YY1: variants seen among roughly 807,000 people sequenced by gnomAD.
The protein encoded by YY1 is transcriptional repressor protein YY1.
YY1 carries 2 observed loss-of-function variants against 35.6 expected under a neutral mutation model. The observed-to-expected ratio is 0.06, with a 90% confidence interval of 0.02 to 0.18. The LOEUF (loss-of-function observed/expected upper bound fraction) is 0.18. Among genes scored for constraint, YY1 ranks in the 10% least tolerant of loss-of-function variants. YY1 has a pLI of 1.00. For missense variants in YY1, 322 were observed against 573.4 expected (o/e 0.56, Z 4.48); for synonymous variants, 268 against 238.9 (o/e 1.12, Z -1.12).
Position 100,280,430 on chromosome 14 carries a change from T to C in YY1, c.*2830T>C, listed in dbSNP as rs1891399930. ...TGTTTTCTATTTTTGAATTTCTTAT[T>C]ATTTCCCCCTTTTTGGTAGTGGAGT... On this transcript the variant is annotated 3_prime_UTR_variant, in exon 5 of 5. Coordinates refer to ENST00000262238, the MANE Select transcript of YY1 (RefSeq NM_003403.5). 6.6e-6 allele frequency: 1 copy of C among 152,192 alleles called. No homozygotes were observed. The highest frequency in any genetic ancestry group is 1.5e-5 in the Non-Finnish European group (1 of 68,034). 9.4% of individuals were successfully genotyped at this position (152,192 alleles called of 1,614,324 possible).
At chr14:100,245,092 A>AC (rs1389960111) in intron 1 of YY1, among the ~76,000 whole-genome samples, 1 of 151,860 alleles carries the variant, frequency 6.6e-6, no homozygotes, top group Non-Finnish European at 1.5e-5. Flanking sequence ...GCCCGCTGCC[A>AC]CACCCGGCTA....
rs1665431644 is a variant in YY1 at position 100,239,186 on chromosome 14, C to G, written c.-59C>G. ...CCCCACGGCCGGCCGCCTCCTCGCC[C>G]GCCCGCCCGCAGCCGAGGAGCCGAG... On this transcript the variant is annotated 5_prime_UTR_variant, in exon 1 of 5. Transcript: ENST00000262238. 26 of 1,354,346 alleles carry G rather than the reference C, an allele frequency of 1.9e-5. No homozygotes were observed. Among genetic ancestry groups the G allele is most frequent in the Non-Finnish European group, 2.4e-5 (25 of 1,061,758 alleles). 83.9% of individuals were successfully genotyped at this position (1,354,346 alleles called of 1,614,324 possible).
rs758852391 is a variant in YY1 at position 100,277,414 on chromosome 14, A to T, written c.1063-4A>T. 6.2e-7 allele frequency: 1 copy of T among 1,614,182 alleles called. No individual in the cohort carries two copies. Among genetic ancestry groups the T allele is most frequent in the Non-Finnish European group, 8.5e-7 (1 of 1,180,026 alleles). On this transcript the variant is annotated splice_region_variant and splice_polypyrimidine_tract_variant and intron_variant, in intron 4 of 4. Transcript: ENST00000262238. This position sits in a 1 kb window ranked among gnomAD's most constrained non-coding sequence, Gnocchi z 5.6. ...TGGGTTGATCTCTGGTCTTTCCTTG[A>T]CAGTGCACGTTCGAAGGCTGTGGGA... is the stretch of plus-strand genomic sequence containing the variant.
chr14:100,239,970 A>T, intron 1 of YY1, 47 bp downstream of exon 1: 1 of 1,498,576 alleles, frequency 6.7e-7, no homozygotes, highest in East Asian at 2.8e-5. Flanking sequence ...TTTGTTTTGA[A>T]GGGAAGCCAT....
chr14:100,272,927 G>C (rs1236294614), intron 2 of YY1, among the ~76,000 whole-genome samples: 1 of 149,912 alleles, frequency 6.7e-6, no homozygotes, highest in Non-Finnish European at 1.5e-5. Flanking sequence ...TTCACTCAGA[G>C]TAGTGGCCCC....
intron 1 of YY1, among the ~76,000 whole-genome samples, chr14:100,246,857 C>T (rs911104219): frequency 6.6e-6 from 1 of 152,186 alleles, no homozygotes; most frequent in Non-Finnish European, 1.5e-5. Flanking sequence ...AAAGTAATCA[C>T]TTCACCCCCA....
rs1891340378 is a variant in YY1 at position 100,277,483 on chromosome 14, C to T, written c.1128C>T (p.Ile376=). 1 of 1,614,206 alleles carries T rather than the reference C, an allele frequency of 6.2e-7. No individual in the cohort carries two copies. Among genetic ancestry groups the T allele is most frequent in the South Asian group, 1.1e-5 (1 of 91,084 alleles). The change falls in exon 5 of 5, where the codon ATC becomes ATT. Residue 376 remains isoleucine, a synonymous_variant. Transcript: ENST00000262238. This position sits in a 1 kb window ranked among gnomAD's most constrained non-coding sequence, Gnocchi z 5.6. The part of the protein sequence containing the change: ...LDFNLRTHVR[I]HTGDRPYVCP... Reference sequence around the variant, plus strand: ...TCAATTTGCGCACACATGTGCGAATCCATACCGGAGACAGGCCCTATGTGT... The same window carrying T: ...TCAATTTGCGCACACATGTGCGAATTCATACCGGAGACAGGCCCTATGTGT...
chr14:100,239,793 G>A lies in YY1; in HGVS notation c.549G>A (p.Lys183=). ...GCGGCGGCAAGAAGAGCGGCAAGAA[G>A]AGTTACCTCAGCGGCGGGGCCGGCG... is the stretch of plus-strand genomic sequence containing the variant. ...KKGGGKKSGK[K]SYLSGGAGAA... Residue 183 remains lysine, a synonymous_variant, in exon 1 of 5, where the codon AAG becomes AAA. Transcript: ENST00000262238. 6.5e-7 allele frequency: 1 copy of A among 1,542,218 alleles called. No homozygotes were observed. The highest frequency in any genetic ancestry group is 8.7e-7 in the Non-Finnish European group (1 of 1,147,230).
chr14:100,277,714 C>T lies in YY1; in HGVS notation c.*114C>T. On this transcript the variant is annotated 3_prime_UTR_variant, in exon 5 of 5. Transcript: ENST00000262238. The surrounding 1 kb of genome is among the most constrained non-coding windows in gnomAD (Gnocchi z 5.6). ...TCTAGGAAGAATTTTAAAAATGAATCCTACACACCTAAGGGACATGTTTTG... is the reference window on the plus strand; with the variant it reads ...TCTAGGAAGAATTTTAAAAATGAATTCTACACACCTAAGGGACATGTTTTG... 1 of 1,153,684 alleles carries T rather than the reference C, an allele frequency of 8.7e-7. No individual in the cohort carries two copies. Among genetic ancestry groups the T allele is most frequent in the Non-Finnish European group, 1.3e-6 (1 of 794,296 alleles). The allele number at this position is 1,153,684 out of a possible 1,614,324, so 71.5% of individuals were successfully genotyped here.
chr14:100,252,503 T>C (rs1474097032), intron 1 of YY1, among the ~76,000 whole-genome samples: 1 of 152,212 alleles, frequency 6.6e-6, no homozygotes, highest in African/African-American at 2.4e-5. Flanking sequence ...TTAGTCTTGG[T>C]CTAGTTGTTT....
intron 2 of YY1, among the ~76,000 whole-genome samples, chr14:100,271,575 T>C (rs1891239210): frequency 6.6e-6 from 1 of 152,234 alleles, no homozygotes; most frequent in African/African-American, 2.4e-5. Flanking sequence ...ATATGCATAA[T>C]GAGTTATCTT....
chr14:100,271,714 G>T (rs1301952093), intron 2 of YY1, among the ~76,000 whole-genome samples: 1 of 151,890 alleles, frequency 6.6e-6, no homozygotes, highest in Admixed American at 6.6e-5. Flanking sequence ...TGTCACCGAA[G>T]TTGGATCGCA....
intron 1 of YY1, among the ~76,000 whole-genome samples, chr14:100,240,868 C>T (rs1443641192): frequency 6.6e-6 from 1 of 152,120 alleles, no homozygotes; most frequent in African/African-American, 2.4e-5. Flanking sequence ...TGGACATTTG[C>T]CAGTAAATAA....
intron 2 of YY1, among the ~76,000 whole-genome samples, chr14:100,264,834 G>T (rs1010848833): frequency 3.9e-5 from 6 of 152,192 alleles, no homozygotes; most frequent in African/African-American, 1.2e-4. Context: ...GAGACCAGCT[G>T]GGCTCTGTGG....
At chr14:100,262,555 G>A in intron 2 of YY1, 89 bp downstream of exon 2, 1 of 1,369,196 alleles carries the variant, frequency 7.3e-7, no homozygotes, top group South Asian at 1.2e-5. Flanking sequence ...TCAAAATGGT[G>A]GTTTGTATTC....
At chr14:100,255,085 CTG>C (rs1457263204) in intron 1 of YY1, among the ~76,000 whole-genome samples, 1 of 150,860 alleles carries the variant, frequency 6.6e-6, no homozygotes, top group East Asian at 2.0e-4. Flanking sequence ...ATGTGAGCCA[CTG>C]TGCCCAGCCA....
intron 2 of YY1, among the ~76,000 whole-genome samples, chr14:100,272,965 G>GTTT (rs368896214): frequency 1.1e-4 from 14 of 127,700 alleles, no homozygotes; most frequent in African/African-American, 3.3e-4. Flanking sequence ...TTTTTTTTTT[G>GTTT]TTTTTTTTTT....
chr14:100,281,212 G>A lies in YY1; in HGVS notation c.*3612G>A, dbSNP rs895178133. 6.6e-6 allele frequency: 1 copy of A among 151,296 alleles called. No homozygotes were observed. The highest frequency in any genetic ancestry group is 2.4e-5 in the African/African-American group (1 of 41,188). 9.4% of individuals were successfully genotyped at this position (151,296 alleles called of 1,614,324 possible). A position where few individuals can be genotyped will look rare whatever the true frequency, so the allele number is the denominator to read the frequency against. ...CCTGGCTTGGGAAATTCATGTTGTTGATCTTTAATTATTTAATTATTCTTT... is the reference window on the plus strand; with the variant it reads ...CCTGGCTTGGGAAATTCATGTTGTTAATCTTTAATTATTTAATTATTCTTT... On this transcript the variant is annotated 3_prime_UTR_variant, in exon 5 of 5. Transcript: ENST00000262238.
chr14:100,239,526 G>C lies in YY1; in HGVS notation c.282G>C (p.Pro94=). Residue 94 remains proline (P), a synonymous_variant, in exon 1 of 5, where the codon CCG becomes CCC. Transcript: ENST00000262238. ...IALQPLVTDD[P]TQVHHHQEVI... ...TGCAGCCGCTGGTCACCGACGACCCGACCCAGGTGCACCACCACCAGGAGG... is the reference window on the plus strand; with the variant it reads ...TGCAGCCGCTGGTCACCGACGACCCCACCCAGGTGCACCACCACCAGGAGG... The C allele has an allele frequency of 1.2e-6, 2 of 1,611,954 alleles. No individual in the cohort carries two copies. Among genetic ancestry groups the C allele is most frequent in the African/African-American group, 1.3e-5 (1 of 74,926 alleles).
Sources: allele counts gnomAD v4.1 joint callset (sites outside exome capture counted in the v4.1 genomes callset), GRCh38; gene constraint gnomAD v4.1.1; non-coding constraint Gnocchi (gnomAD v3.1); transcripts MANE v1.5; gene names NCBI Gene and HGNC (gene_info 2026-07-23, HGNC 2026-07-21).